The following UBE2E2 variants were observed in gnomAD, a reference collection of about 807,000 sequenced individuals.
UBE2E2 encodes the protein ubiquitin conjugating enzyme E2 E2.
In UBE2E2, 6 loss-of-function variants were observed where a neutral mutation model predicts 24.7. The ratio of observed to expected loss-of-function variants is 0.24; its 90% confidence interval spans 0.13 to 0.48. The LOEUF is 0.48. UBE2E2 is among the 20% of genes least tolerant of loss of function. The pLI is 0.99. For missense variants in UBE2E2, 169 were observed against 245.0 expected (o/e 0.69, Z 2.07); for synonymous variants, 104 against 83.6 (o/e 1.24, Z -1.33).
At chr3:23,234,595 A>G (rs766152810) in intron 3 of UBE2E2, among the ~76,000 whole-genome samples, 4 of 152,200 alleles carry the variant, frequency 2.6e-5, no homozygotes, top group Non-Finnish European at 5.9e-5. Context: ...CATTGACTTT[A>G]TAAGTTAGAT....
At chr3:23,477,305 G>A (rs1699159941) in intron 3 of UBE2E2, among the ~76,000 whole-genome samples, 1 of 152,186 alleles carries the variant, frequency 6.6e-6, no homozygotes, top group African/African-American at 2.4e-5. Flanking sequence ...AATGCAACTT[G>A]TGTAAGTAGA....
In UBE2E2 at chr3:23,439,013, T is replaced by C. The variant is rs556233153; in HGVS notation, c.228-60595T>C. On this transcript the variant is annotated intron_variant, in intron 3 of 5. Transcript: ENST00000396703. ...TATTTTAAGGAAGGCATGAATATTG[T>C]TAGATTTGCCCCTAAGTAATTGAGT... 2.6e-5 allele frequency among the ~76,000 whole-genome samples: 4 copies of C among 152,338 alleles called. No homozygotes were observed. The South Asian group carries it at 8.3e-4, about 32-fold the overall frequency.
At chr3:23,558,416 A>G (rs1048418319) in intron 5 of UBE2E2, among the ~76,000 whole-genome samples, 1 of 152,222 alleles carries the variant, frequency 6.6e-6, no homozygotes, top group Admixed American at 6.5e-5. Context: ...GTAGTTATGT[A>G]TATCTTTACA....
At chr3:23,238,533 C>T (rs1697177151) in intron 3 of UBE2E2, among the ~76,000 whole-genome samples, 1 of 152,044 alleles carries the variant, frequency 6.6e-6, no homozygotes, top group Admixed American at 6.6e-5. Context: ...CTTAAGAAAC[C>T]ATCATCAGTA....
intron 3 of UBE2E2, among the ~76,000 whole-genome samples, chr3:23,354,620 G>A (rs1356261974): frequency 3.2e-4 from 48 of 152,046 alleles, no homozygotes; most frequent in Non-Finnish European, 4.7e-4. Flanking sequence ...CAAAAAACAC[G>A]TGAAAAAATG....
chr3:23,465,954 C>G (rs1698911216), intron 3 of UBE2E2, among the ~76,000 whole-genome samples: 2 of 152,034 alleles, frequency 1.3e-5, no homozygotes, highest in South Asian at 4.2e-4. Context: ...GGTACACATT[C>G]TTTAGAGTTG....
chr3:23,263,124 A>AG (rs1195321274), intron 3 of UBE2E2, among the ~76,000 whole-genome samples: 10 of 152,180 alleles, frequency 6.6e-5, no homozygotes, highest in African/African-American at 1.9e-4. Context: ...GGAGAGCATG[A>AG]GGTGATACAG....
chr3:23,460,846 A>G (rs1698792773), intron 3 of UBE2E2, among the ~76,000 whole-genome samples: 1 of 152,230 alleles, frequency 6.6e-6, no homozygotes. Flanking sequence ...TTAAGAAATT[A>G]TATTTAATTC....
At chr3:23,264,360 AAAAGG>A (rs1231949750) in intron 3 of UBE2E2, among the ~76,000 whole-genome samples, 1 of 152,032 alleles carries the variant, frequency 6.6e-6, no homozygotes, top group East Asian at 1.9e-4. Context: ...AAAAAACAAA[AAAAGG>A]AAAAGGAAAA....
intron 3 of UBE2E2, among the ~76,000 whole-genome samples, chr3:23,494,834 C>T (rs779729889): frequency 7.9e-5 from 12 of 152,040 alleles, no homozygotes; most frequent in Non-Finnish European, 1.2e-4. Flanking sequence ...AAGCAATTCT[C>T]CTGCCTCAGA....
intron 5 of UBE2E2, among the ~76,000 whole-genome samples, chr3:23,535,661 T>C (rs1478430374): frequency 6.9e-6 from 1 of 144,174 alleles, no homozygotes; most frequent in African/African-American, 2.6e-5. Context: ...TCTCGCTCTG[T>C]CGCCCAGGCT....
intron 3 of UBE2E2, among the ~76,000 whole-genome samples, chr3:23,367,652 T>G (rs1696295488): frequency 6.6e-6 from 1 of 152,128 alleles, no homozygotes; most frequent in South Asian, 2.1e-4. Context: ...TTGTGTGAGT[T>G]CCGTGATTTC....
intron 4 of UBE2E2, among the ~76,000 whole-genome samples, chr3:23,521,290 G>C (rs1694859041): frequency 6.6e-6 from 1 of 152,186 alleles, no homozygotes; most frequent in Non-Finnish European, 1.5e-5. Context: ...CCTTCTGTTT[G>C]TGTTTATGTC....
At chr3:23,514,090 A>C (rs1694673090) in intron 4 of UBE2E2, among the ~76,000 whole-genome samples, 1 of 152,204 alleles carries the variant, frequency 6.6e-6, no homozygotes, top group South Asian at 2.1e-4. Context: ...GCCTCATCAC[A>C]TGCAGGCCCT....
Position 23,208,837 on chromosome 3 carries a change from CA to C in UBE2E2, c.139del (p.Ser47AlafsTer91). On this transcript the variant is annotated frameshift_variant, in exon 2 of 6. Transcript: ENST00000396703. LOFTEE classifies it high-confidence loss of function. ...QPKKKEGKISSKTAAKLSTSA... is the reference protein window; with the variant it reads ...QPKKKEGKISXKTAAKLSTSA... The stretch of plus-strand genomic sequence containing the variant: ...CCAAGAAAAAGGAGGGAAAAATATC[CA>C]GCAAAACCGCTGCTAAATTGTCAAC... The C allele has an allele frequency of 6.2e-7, 1 of 1,612,992 alleles. No individual in the cohort carries two copies. Among genetic ancestry groups the C allele is most frequent in the Non-Finnish European group, 8.5e-7 (1 of 1,179,448 alleles).
rs533497774 is a variant in UBE2E2 at position 23,322,638 on chromosome 3, C to T, written c.227+105326C>T. Among the ~76,000 whole-genome samples the T allele has an allele frequency of 1.9e-4, 29 of 152,106 alleles. No individual in the cohort carries two copies. The South Asian group carries it at 5.8e-3, about 31-fold the overall frequency. On this transcript the variant is annotated intron_variant, in intron 3 of 5. Coordinates refer to ENST00000396703, the MANE Select transcript of UBE2E2 (RefSeq NM_152653.4). Reference sequence around the variant, plus strand: ...CCTTATATTTTGTTTAGTCCACCCTCATCATTTTGATGAAGTAATTAAGTC... The same window carrying T: ...CCTTATATTTTGTTTAGTCCACCCTTATCATTTTGATGAAGTAATTAAGTC...
intron 1 of UBE2E2, among the ~76,000 whole-genome samples, chr3:23,205,125 T>G (rs562616108): frequency 1.3e-5 from 2 of 152,224 alleles, no homozygotes; most frequent in Non-Finnish European, 2.9e-5. Flanking sequence ...GTTGAAGAAG[T>G]AACAATATGT....
intron 4 of UBE2E2, among the ~76,000 whole-genome samples, chr3:23,510,519 A>T (rs1409400768): frequency 6.6e-6 from 1 of 152,116 alleles, no homozygotes; most frequent in Non-Finnish European, 1.5e-5. Flanking sequence ...AGACATGAGA[A>T]TTGCTTGAAC....
intron 5 of UBE2E2, among the ~76,000 whole-genome samples, chr3:23,536,511 ATC>A (rs1695268018): frequency 2.0e-5 from 3 of 152,188 alleles, no homozygotes; most frequent in Admixed American, 2.0e-4. Flanking sequence ...GTTATGATGT[ATC>A]ATTTAAAATT....
Sources: gnomAD v4.1 joint callset for allele counts (sites outside exome capture counted in the v4.1 genomes callset) on GRCh38, gnomAD v4.1.1 for gene constraint, MANE v1.5 for transcripts, NCBI Gene and HGNC (gene_info 2026-07-23, HGNC 2026-07-21) for gene names.